The following PCDHGB2 variants were observed in gnomAD, a reference collection of about 807,000 sequenced individuals.
The protein encoded by PCDHGB2 is protocadherin gamma-B2.
A neutral mutation model predicts 59.3 loss-of-function variants in PCDHGB2; 55 were observed. The observed-to-expected ratio is 0.93, with a 90% confidence interval of 0.75 to 1.16. The LOEUF (loss-of-function observed/expected upper bound fraction) is 1.16, where lower values mean the gene tolerates loss of function less well. Among genes scored for constraint, PCDHGB2 ranks in the 50% most tolerant of loss-of-function variants. The pLI is 0.00. For missense variants in PCDHGB2, 1,228 were observed against 1,198.5 expected (o/e 1.02, Z -0.36); for synonymous variants, 516 against 512.0 (o/e 1.01, Z -0.11).
intron 1 of PCDHGB2, among the ~76,000 whole-genome samples, chr5:141,458,513 G>GTT (rs537551567): frequency 7.5e-5 from 11 of 146,196 alleles, no homozygotes; most frequent in African/African-American, 2.2e-4. Flanking sequence ...TTGACACTTT[G>GTT]TTTTTTTTTT....
intron 1 of PCDHGB2, among the ~76,000 whole-genome samples, chr5:141,482,633 G>T (rs1218163238): frequency 2.0e-5 from 3 of 151,784 alleles, no homozygotes; most frequent in Non-Finnish European, 2.9e-5. Flanking sequence ...AGGAAGAAAT[G>T]ATAGAGGTGG....
In PCDHGB2 at chr5:141,360,153, G is replaced by T; in HGVS notation, c.18G>T (p.Gly6=). The T allele has an allele frequency of 1.2e-6, 2 of 1,604,018 alleles. No individual in the cohort carries two copies. The highest frequency in any genetic ancestry group is 1.7e-6 in the Non-Finnish European group (2 of 1,174,504). The change falls in exon 1 of 4, where the codon GGG becomes GGT. Residue 6 remains glycine, a synonymous_variant. Transcript: ENST00000522605. MKASS[G]RCGLVRWLQV... is the part of the protein sequence containing the mutation. ...GCCAGAAGATGAAAGCGAGCTCAGG[G>T]AGGTGCGGGCTGGTGCGGTGGCTGC...
chr5:141,384,405 C>T (rs1780049839), intron 1 of PCDHGB2: 2 of 1,613,882 alleles, frequency 1.2e-6, no homozygotes, highest in Non-Finnish European at 8.5e-7. Flanking sequence ...CTCCAGTGTC[C>T]TCCTATGTCT....
chr5:141,450,663 T>C (rs957466690), intron 1 of PCDHGB2, among the ~76,000 whole-genome samples: 1 of 151,652 alleles, frequency 6.6e-6, no homozygotes, highest in Non-Finnish European at 1.5e-5. Flanking sequence ...ATTTTTGTAC[T>C]TTTAGTAGAA....
chr5:141,394,336 A>C lies in PCDHGB2; in HGVS notation c.2421+31780A>C, dbSNP rs1205005872. On this transcript the variant is annotated intron_variant, in intron 1 of 3. Coordinates refer to ENST00000522605, the MANE Select transcript of PCDHGB2 (RefSeq NM_018923.3). ...CCCCTGTCCTCGTATATCTCCATCA[A>C]CTCTGACACCGGTGTCCTGTATGCG... 6.2e-7 allele frequency: 1 copy of C among 1,613,822 alleles called. No homozygotes were observed. The highest frequency in any genetic ancestry group is 1.1e-5 in the South Asian group (1 of 91,058).
intron 1 of PCDHGB2, among the ~76,000 whole-genome samples, chr5:141,362,942 A>T (rs141459764): frequency 6.6e-6 from 1 of 152,354 alleles, no homozygotes; most frequent in African/African-American, 2.4e-5. Context: ...TCATTTTAGT[A>T]GGCTTTGGAA....
chr5:141,367,972 C>T (rs1765427011), intron 1 of PCDHGB2, among the ~76,000 whole-genome samples: 1 of 152,084 alleles, frequency 6.6e-6, no homozygotes, highest in Non-Finnish European at 1.5e-5. Context: ...CGTATGTGCT[C>T]ATCTTAAATT....
At chr5:141,397,978 C>G in intron 1 of PCDHGB2, 1 of 1,261,722 alleles carries the variant, frequency 7.9e-7, no homozygotes, top group Non-Finnish European at 1.1e-6. Flanking sequence ...CAGCGCCGGC[C>G]TTTACACCGC....
intron 1 of PCDHGB2, chr5:141,371,738 C>G (rs765693064): frequency 6.2e-7 from 1 of 1,614,052 alleles, no homozygotes. Flanking sequence ...TCAACGACAA[C>G]GTTCCCGTTT....
In PCDHGB2 at chr5:141,403,718, C is replaced by T. The variant is rs77227638; in HGVS notation, c.2421+41162C>T. 9.8e-3 allele frequency: 15,884 copies of T among 1,613,838 alleles called. 137 individuals carry two copies. The highest frequency in any genetic ancestry group is 0.011 in the Non-Finnish European group (12,686 of 1,179,868). ...CCGAGTTAAAGTCCTTGAGAACGTG[C>T]CCCCAGGCACCTGGCTGCTTACTGC... On this transcript the variant is annotated intron_variant, in intron 1 of 3. Coordinates refer to ENST00000522605, the MANE Select transcript of PCDHGB2 (RefSeq NM_018923.3).
chr5:141,440,035 C>T, intron 1 of PCDHGB2: 1 of 153,140 alleles, frequency 6.5e-6, no homozygotes, highest in East Asian at 1.9e-4. Flanking sequence ...GTGTCGAGGA[C>T]ATGCCCACTT....
At chr5:141,367,424 C>A (rs1368988996) in intron 1 of PCDHGB2, 1 of 152,184 alleles carries the variant, frequency 6.6e-6, no homozygotes, top group Non-Finnish European at 1.5e-5. Context: ...GTAGTCCCAG[C>A]TACTCGGAAG....
At position 141,491,578 on chromosome 5, in the gene PCDHGB2, C is replaced by T. The variant is rs1438933474; in HGVS notation, c.2422-3229C>T. 7.4e-6 allele frequency: 12 copies of T among 1,613,888 alleles called. No homozygotes were observed. The highest frequency in any genetic ancestry group is 1.0e-5 in the Non-Finnish European group (12 of 1,180,044). On this transcript the variant is annotated intron_variant, in intron 1 of 3. Coordinates refer to ENST00000522605, the MANE Select transcript of PCDHGB2 (RefSeq NM_018923.3). This position sits in a 1 kb window ranked among gnomAD's most constrained non-coding sequence, Gnocchi z 6.9. ...CCACTGCTACAGGACGTGCTTTTCA[C>T]CGGCCTCGGACGGCAGTGACTTCAC...
Position 141,362,398 on chromosome 5 carries a change from T to C in PCDHGB2, c.2263T>C (p.Cys755Arg), listed in dbSNP as rs748697747. 16 of 1,613,926 alleles carry C rather than the reference T, an allele frequency of 9.9e-6. No individual in the cohort carries two copies. Among genetic ancestry groups the C allele is most frequent in the Admixed American group, 5.0e-5 (3 of 60,014 alleles). ...TACATTGCCCTATTCCTACAACCTG[T>C]GTGTTGCCTCACAATCAGCCAAGAC... ...EGTLPYSYNL[C>R]VASQSAKTEF... The change falls in exon 1 of 4, where the codon TGT becomes CGT. Residue 755 changes from cysteine (C) to arginine (R), a missense_variant. By Grantham distance (180) the Cys-to-Arg change is radical (BLOSUM62 -3). Coordinates refer to ENST00000522605, the MANE Select transcript of PCDHGB2 (RefSeq NM_018923.3).
At chr5:141,422,307 C>T in intron 1 of PCDHGB2, 4 of 1,547,552 alleles carry the variant, frequency 2.6e-6, no homozygotes, top group South Asian at 1.3e-5. Flanking sequence ...TTCTGGAAAA[C>T]TCTCCTCCAG....
chr5:141,393,120 C>T lies in PCDHGB2; in HGVS notation c.2421+30564C>T, dbSNP rs142751758. The T allele has an allele frequency of 9.0e-3, 14,600 of 1,613,382 alleles. 101 individuals carry two copies. The highest frequency in any genetic ancestry group is 0.01 in the Non-Finnish European group (11,861 of 1,179,884). On this transcript the variant is annotated intron_variant, in intron 1 of 3. Transcript: ENST00000522605. ...GCTCTGCGCTCAGAGCCCGCGGTGT[C>T]TGATAAATATTAACACCCTGGTTGA...
At chr5:141,394,122 C>G in intron 1 of PCDHGB2, 1 of 1,613,944 alleles carries the variant, frequency 6.2e-7, no homozygotes, top group Middle Eastern at 1.6e-4. Context: ...CACTGAAACT[C>G]AAATCGCTCT....
chr5:141,399,056 A>G (rs945298198), intron 1 of PCDHGB2: 24 of 1,613,834 alleles, frequency 1.5e-5, no homozygotes, highest in African/African-American at 1.2e-4. Flanking sequence ...GAGACCAAGG[A>G]ATATTCAATG....
At chr5:141,480,745 C>T (rs528415324) in intron 1 of PCDHGB2, among the ~76,000 whole-genome samples, 1 of 152,278 alleles carries the variant, frequency 6.6e-6, no homozygotes, top group Non-Finnish European at 1.5e-5. Flanking sequence ...ACATAGGCAT[C>T]ATTTTTTGAA....
Sources: allele counts gnomAD v4.1 joint callset (sites outside exome capture counted in the v4.1 genomes callset), GRCh38; gene constraint gnomAD v4.1.1; non-coding constraint Gnocchi (gnomAD v3.1); transcripts MANE v1.5; gene names NCBI Gene and HGNC (gene_info 2026-07-23, HGNC 2026-07-21).